RLN2: variants seen among roughly 807,000 people sequenced by gnomAD.
RLN2 encodes the protein relaxin 2.
RLN2 carries 10 observed loss-of-function variants against 7.3 expected under a neutral mutation model. That is an observed-to-expected ratio of 1.36 (90% CI 0.84 to 2.31). The LOEUF (loss-of-function observed/expected upper bound fraction) is 2.31, where lower values mean the gene tolerates loss of function less well. RLN2 is among the 30% of genes most tolerant of loss of function. The probability of loss-of-function intolerance (pLI) is 0.00; values close to 1 mark genes in which losing one functional copy is unlikely to be tolerated. For missense variants in RLN2, 298 were observed against 217.6 expected, an observed-to-expected ratio of 1.37 and a Z score of -2.32; for synonymous variants, 103 against 82.3, an observed-to-expected ratio of 1.25 and a Z score of -1.36.
the RLN2 span, among the ~76,000 whole-genome samples, chr9:5,321,706 T>G: frequency 1.3e-5 from 2 of 151,160 alleles, no homozygotes; most frequent in Non-Finnish European, 2.9e-5. Context: ...AGCAATGGTC[T>G]GTGGCTTGGA....
At chr9:5,324,372 G>A in the RLN2 span, among the ~76,000 whole-genome samples, 1 of 151,912 alleles carries the variant, frequency 6.6e-6, no homozygotes, top group South Asian at 2.1e-4. Context: ...AAATTGTGGG[G>A]TGCATAACTG....
the RLN2 span, among the ~76,000 whole-genome samples, chr9:5,325,973 A>G: frequency 6.6e-6 from 1 of 152,110 alleles, no homozygotes; most frequent in Non-Finnish European, 1.5e-5. Flanking sequence ...GTCAACAGAC[A>G]CTTGTCTCAT....
chr9:5,318,007 C>CGTGTGCGTGTGTGT, the RLN2 span, among the ~76,000 whole-genome samples: 1 of 147,948 alleles, frequency 6.8e-6, no homozygotes, highest in Non-Finnish European at 1.5e-5. Context: ...TGTGTGTGTG[C>CGTGTGCGTGTGTGT]GTGTGTGTGT....
chr9:5,335,726 C>T, the RLN2 span: 3 of 631,706 alleles, frequency 4.7e-6, no homozygotes, highest in Non-Finnish European at 8.1e-6. Context: ...CATTGAAACA[C>T]AAAAGCATCC....
At chr9:5,315,459 C>G in the RLN2 span, among the ~76,000 whole-genome samples, 2 of 150,614 alleles carry the variant, frequency 1.3e-5, no homozygotes, top group African/African-American at 4.9e-5. Context: ...TACGGGACAT[C>G]ATTAAGCAAA....
At chr9:5,313,738 C>G in the RLN2 span, among the ~76,000 whole-genome samples, 1 of 151,884 alleles carries the variant, frequency 6.6e-6, no homozygotes, top group Non-Finnish European at 1.5e-5. Flanking sequence ...GATAACCTAA[C>G]TAGAAGCTCC....
chr9:5,323,677 C>T, the RLN2 span, among the ~76,000 whole-genome samples: 1 of 151,910 alleles, frequency 6.6e-6, no homozygotes, highest in Non-Finnish European at 1.5e-5. Context: ...AATAGAATTT[C>T]CCTTACTTGT....
the RLN2 span, among the ~76,000 whole-genome samples, chr9:5,320,755 G>A: frequency 6.6e-6 from 1 of 152,020 alleles, no homozygotes; most frequent in South Asian, 2.1e-4. Flanking sequence ...TATTCAGAGG[G>A]CATTTAAAAA....
In RLN2 at chr9:5,304,243, A is replaced by G. The variant is rs971685081; in HGVS notation, c.211+127T>C. ...CTTTAGGGACCAGCCACGGCTGAGT[A>G]GGGGCTGAGCGGTGGCAGCCAATGA... On this transcript the variant is annotated intron_variant, in intron 1 of 1. Coordinates refer to ENST00000381627, the MANE Select transcript of RLN2 (RefSeq NM_134441.3). The G allele has an allele frequency of 9.5e-6, 6 of 629,562 alleles. No individual in the cohort carries two copies. The African/African-American group carries it at 1.4e-4, about 15-fold the overall frequency. 39.0% of individuals were successfully genotyped at this position (629,562 alleles called of 1,614,324 possible).
chr9:5,306,123 T>G (rs1235506975), upstream of RLN2, among the ~76,000 whole-genome samples: 2 of 150,646 alleles, frequency 1.3e-5, no homozygotes, highest in African/African-American at 2.5e-5. Context: ...TTTTTTTTTT[T>G]TTTTAACAGA....
the RLN2 span, among the ~76,000 whole-genome samples, chr9:5,320,709 A>C: frequency 3.9e-5 from 6 of 152,136 alleles, no homozygotes; most frequent in African/African-American, 1.4e-4. Context: ...TCACATATGA[A>C]AAGTTATTTT....
At chr9:5,327,863 T>C in the RLN2 span, among the ~76,000 whole-genome samples, 1 of 151,832 alleles carries the variant, frequency 6.6e-6, no homozygotes, top group African/African-American at 2.4e-5. Context: ...ATGAATAGCA[T>C]CAACATCAAC....
chr9:5,300,031 A>T lies in RLN2; in HGVS notation c.*67T>A. 1.0e-6 allele frequency: 1 copy of T among 962,406 alleles called. No individual in the cohort carries two copies. The highest frequency in any genetic ancestry group is 1.6e-6 in the Non-Finnish European group (1 of 637,012). The allele number at this position is 962,406 out of a possible 1,614,324, so 59.6% of individuals were successfully genotyped here. A position where few individuals can be genotyped will look rare whatever the true frequency, so the allele number is the denominator to read the frequency against. On this transcript the variant is annotated 3_prime_UTR_variant, in exon 2 of 2. Coordinates refer to ENST00000381627, the MANE Select transcript of RLN2 (RefSeq NM_134441.3). ...CTAAGAATTGATGGGACCTGATAGA[A>T]GCATCAGTGAAATGTCATTAAGAAT...
At chr9:5,337,335 C>A in the RLN2 span, among the ~76,000 whole-genome samples, 5 of 151,964 alleles carry the variant, frequency 3.3e-5, no homozygotes, top group African/African-American at 1.2e-4. Context: ...GTGTTTTGAA[C>A]TTTTATTAAA....
the RLN2 span, among the ~76,000 whole-genome samples, chr9:5,332,718 C>A: frequency 1.5e-4 from 23 of 151,484 alleles, no homozygotes; most frequent in Admixed American, 3.3e-4. Flanking sequence ...CGGGTTCAAG[C>A]GATTCTCCTG....
intron 1 of RLN2, among the ~76,000 whole-genome samples, chr9:5,301,015 C>G (rs1310274570): frequency 6.6e-6 from 1 of 152,186 alleles, no homozygotes; most frequent in Non-Finnish European, 1.5e-5. Flanking sequence ...CCTTAACCAT[C>G]TATTTAACAA....
At chr9:5,308,416 G>C (rs768467320), upstream of RLN2, among the ~76,000 whole-genome samples, 80 of 151,810 alleles carry the variant, frequency 5.3e-4, 1 homozygote, top group Admixed American at 7.9e-4. Context: ...TCATCACCCA[G>C]GCCTCAGAGA....
chr9:5,334,128 C>G, the RLN2 span, among the ~76,000 whole-genome samples: 1,886 of 152,096 alleles, frequency 0.012, 68 homozygotes, highest in African/African-American at 0.044. Context: ...GATGCCCTCT[C>G]TCACCAGTCC....
chr9:5,331,114 C>T, the RLN2 span, among the ~76,000 whole-genome samples: 1 of 151,972 alleles, frequency 6.6e-6, no homozygotes, highest in Non-Finnish European at 1.5e-5. Flanking sequence ...TAATAGCCTA[C>T]CGACCAAAAA....
Sources: allele counts gnomAD v4.1 joint callset (sites outside exome capture counted in the v4.1 genomes callset), GRCh38; gene constraint gnomAD v4.1.1; transcripts MANE v1.5; gene names NCBI Gene and HGNC (gene_info 2026-07-23, HGNC 2026-07-21).